The following CFAP69 variants were observed in gnomAD, a reference collection of about 807,000 sequenced individuals.
The protein encoded by CFAP69 is cilia- and flagella-associated protein 69.
Under a neutral mutation model 123.0 loss-of-function variants are expected in CFAP69, and 92 were observed. The ratio of observed to expected loss-of-function variants is 0.75; its 90% CI spans 0.63 to 0.89. CFAP69 has a LOEUF of 0.89. Among genes scored for constraint, CFAP69 ranks in the 40% least tolerant of loss-of-function variants. The pLI, the probability that CFAP69 is intolerant of heterozygous loss-of-function variation, is 0.00. For missense variants in CFAP69, 1,067 were observed against 1,096.9 expected (o/e 0.97, Z 0.39); for synonymous variants, 380 against 364.3 (o/e 1.04, Z -0.49).
Position 90,271,606 on chromosome 7 carries a change from AC to A in CFAP69, c.615del (p.Leu206CysfsTer28). ...GLAKTMVQSM[T>X]LLENQLVEKL... is the part of the protein sequence containing the mutation. ...AGCAAAAACAATGGTCCAGTCAATG[AC>A]CTTGCTTGAAAATCAACTTGTTGAG... On this transcript the variant is annotated frameshift_variant, in exon 7 of 23. Transcript: ENST00000389297. LOFTEE classifies it high-confidence loss of function. The A allele has an allele frequency of 6.2e-7, 1 of 1,613,654 alleles. No homozygotes were observed. The highest frequency in any genetic ancestry group is 8.5e-7 in the Non-Finnish European group (1 of 1,179,688).
At chr7:90,250,194 G>GAGAT (rs1307388950) in intron 1 of CFAP69, among the ~76,000 whole-genome samples, 5 of 20,628 alleles carry the variant, frequency 2.4e-4, no homozygotes, top group African/African-American at 1.0e-3. Flanking sequence ...AGAGGAGAGA[G>GAGAT]AGAGAGAGAG....
intron 15 of CFAP69, among the ~76,000 whole-genome samples, chr7:90,294,721 G>A (rs1209488568): frequency 1.3e-5 from 2 of 152,192 alleles, no homozygotes; most frequent in East Asian, 3.8e-4. Context: ...CTAACCCTAT[G>A]TTCTCTCCTA....
intron 22 of CFAP69, among the ~76,000 whole-genome samples, chr7:90,309,830 TG>T (rs1794115997): frequency 6.6e-6 from 1 of 152,180 alleles, no homozygotes; most frequent in Admixed American, 6.6e-5. Flanking sequence ...CAAGTGTTCC[TG>T]GTATCCTCTG....
intron 1 of CFAP69, among the ~76,000 whole-genome samples, chr7:90,248,509 CTT>C (rs1796588732): frequency 6.6e-6 from 1 of 152,122 alleles, no homozygotes; most frequent in African/African-American, 2.4e-5. Context: ...ATTTTTCTAA[CTT>C]TAATAACTTT....
chr7:90,255,716 T>A (rs987905902), intron 2 of CFAP69, among the ~76,000 whole-genome samples: 1 of 152,070 alleles, frequency 6.6e-6, no homozygotes, highest in Non-Finnish European at 1.5e-5. Context: ...GACAAACCCA[T>A]GGTGGCTGTA....
chr7:90,251,643 T>C (rs550436788), intron 1 of CFAP69, among the ~76,000 whole-genome samples: 3 of 151,880 alleles, frequency 2.0e-5, no homozygotes, highest in South Asian at 4.2e-4. Context: ...ACATTGTTAT[T>C]CCCCACACCT....
chr7:90,319,290 A>C, the CFAP69 span: 1 of 398,332 alleles, frequency 2.5e-6, no homozygotes, highest in South Asian at 1.3e-4. Flanking sequence ...GAAAAAAATC[A>C]GAAGAATTAA....
At chr7:90,261,483 A>G (rs1434284326) in intron 3 of CFAP69, among the ~76,000 whole-genome samples, 4 of 152,206 alleles carry the variant, frequency 2.6e-5, no homozygotes, top group Admixed American at 2.0e-4. Context: ...ACACAGGAAA[A>G]TGCATCTCAG....
At chr7:90,247,206 G>C in intron 1 of CFAP69, among the ~76,000 whole-genome samples, 1 of 152,214 alleles carries the variant, frequency 6.6e-6, no homozygotes, top group South Asian at 2.1e-4. Context: ...CTAAGTTCAT[G>C]AGAAGTTAAC....
At chr7:90,273,863 T>A (rs1334108339) in intron 8 of CFAP69, 124 bp from the exon 9 acceptor site, 1 of 657,480 alleles carries the variant, frequency 1.5e-6, no homozygotes, top group Non-Finnish European at 2.4e-6. Context: ...GCTCATTACC[T>A]CCCTAAGGCC....
intron 19 of CFAP69, among the ~76,000 whole-genome samples, chr7:90,306,097 C>A (rs550901939): frequency 2.3e-5 from 3 of 128,148 alleles, no homozygotes; most frequent in African/African-American, 9.1e-5. Flanking sequence ...TGTGTACCCC[C>A]ATACCCAGCT....
At chr7:90,249,089 C>G (rs1164673445) in intron 1 of CFAP69, among the ~76,000 whole-genome samples, 1 of 152,082 alleles carries the variant, frequency 6.6e-6, no homozygotes, top group African/African-American at 2.4e-5. Context: ...GGCTTTGTGT[C>G]CCCACCCAAA....
chr7:90,271,714 TA>T, intron 7 of CFAP69, 39 bp downstream of exon 7: 2 of 1,593,816 alleles, frequency 1.3e-6, no homozygotes, highest in East Asian at 4.5e-5. Context: ...CATTGTCAAC[TA>T]CTTTTGTTTA....
rs564565135 is a variant in CFAP69 at position 90,255,856 on chromosome 7, G to C, written c.180+374G>C. Reference sequence around the variant, plus strand: ...GTGTACTAATTATGAAATCAGGATAGATACACACAAACATGTACACATAGA... The same window carrying C: ...GTGTACTAATTATGAAATCAGGATACATACACACAAACATGTACACATAGA... On this transcript the variant is annotated intron_variant, in intron 2 of 22. Transcript: ENST00000389297. Among the ~76,000 whole-genome samples the C allele has an allele frequency of 5.3e-5, 8 of 152,182 alleles. No individual in the cohort carries two copies. The South Asian group carries it at 1.5e-3, about 28-fold the overall frequency.
At chr7:90,288,609 G>A (rs577729784) in intron 15 of CFAP69, among the ~76,000 whole-genome samples, 1 of 152,114 alleles carries the variant, frequency 6.6e-6, no homozygotes, top group African/African-American at 2.4e-5. Flanking sequence ...TAAGTATTGT[G>A]TATCTAAACA....
chr7:90,252,691 T>C (rs1333491369), intron 1 of CFAP69, among the ~76,000 whole-genome samples: 1 of 152,002 alleles, frequency 6.6e-6, no homozygotes, highest in Non-Finnish European at 1.5e-5. Context: ...TAAAAATAAA[T>C]ATAATTTTGA....
At chr7:90,273,881 TA>T in intron 8 of CFAP69, 105 bp from the exon 9 acceptor site, 1 of 904,448 alleles carries the variant, frequency 1.1e-6, no homozygotes, top group Non-Finnish European at 1.6e-6. Context: ...GCCTCACTCC[TA>T]AAACCATCAC....
chr7:90,312,545 G>GT (rs1184055359), downstream of CFAP69: 5 of 152,294 alleles, frequency 3.3e-5, no homozygotes, highest in East Asian at 9.6e-4. Flanking sequence ...ACAAATAAGT[G>GT]TAAGTTGATG....
At chr7:90,305,237 A>C (rs1335361419) in intron 19 of CFAP69, among the ~76,000 whole-genome samples, 1 of 150,652 alleles carries the variant, frequency 6.6e-6, no homozygotes, top group Non-Finnish European at 1.5e-5. Flanking sequence ...GCTACTCGGG[A>C]GGCTGAGGCA....
Sources: allele counts gnomAD v4.1 joint callset (sites outside exome capture counted in the v4.1 genomes callset), GRCh38; gene constraint gnomAD v4.1.1; transcripts MANE v1.5; gene names NCBI Gene and HGNC (gene_info 2026-07-23, HGNC 2026-07-21).